Variants in CCDC178 observed in about 807,000 individuals in gnomAD.
CCDC178 encodes coiled-coil domain-containing protein 178.
In CCDC178, 126 loss-of-function variants were observed where a neutral mutation model predicts 117.4. The ratio of observed to expected loss-of-function variants is 1.07; its 90% confidence interval spans 0.93 to 1.24. The LOEUF is 1.24. CCDC178 is among the 50% of genes most tolerant of loss of function. The pLI, the probability that CCDC178 is intolerant of heterozygous loss-of-function variation, is 0.00. For synonymous variants in CCDC178, 283 were observed against 313.4 expected, an observed-to-expected ratio of 0.90 and a Z score of 1.02; for missense variants, 1,030 against 986.9, an observed-to-expected ratio of 1.04 and a Z score of -0.59.
At chr18:33,236,206 G>A (rs113905787) in intron 15 of CCDC178, among the ~76,000 whole-genome samples, 14,949 of 152,068 alleles carry the variant, frequency 0.098, 968 homozygotes, top group African/African-American at 0.19. Context: ...TTCAGGCCAG[G>A]CTCAACAAAT....
chr18:33,097,406 C>G (rs1445553289), intron 20 of CCDC178, among the ~76,000 whole-genome samples: 1 of 152,112 alleles, frequency 6.6e-6, no homozygotes, highest in African/African-American at 2.4e-5. Flanking sequence ...AAGGGTGAAA[C>G]AGAGACATGC....
chr18:33,347,205 C>A (rs1340486450), intron 8 of CCDC178, among the ~76,000 whole-genome samples: 11 of 152,012 alleles, frequency 7.2e-5, no homozygotes, highest in African/African-American at 2.4e-4. Flanking sequence ...CACATAAATA[C>A]AAAGTGTTAA....
intron 5 of CCDC178, among the ~76,000 whole-genome samples, chr18:33,374,935 T>C (rs913243188): frequency 2.6e-5 from 4 of 152,158 alleles, no homozygotes; most frequent in African/African-American, 7.2e-5. Context: ...AAAATCATAC[T>C]GGAGTTGTGG....
intron 21 of CCDC178, among the ~76,000 whole-genome samples, chr18:33,070,144 T>A (rs1450168176): frequency 2.0e-5 from 3 of 151,994 alleles, no homozygotes; most frequent in African/African-American, 7.2e-5. Context: ...AAAACAGAAC[T>A]ACCATATAAT....
chr18:33,084,802 C>T (rs1465400813), intron 21 of CCDC178, among the ~76,000 whole-genome samples: 2 of 148,832 alleles, frequency 1.3e-5, no homozygotes, highest in Admixed American at 1.3e-4. Flanking sequence ...CAGTGCGAGG[C>T]CCCGTCTCAA....
chr18:32,974,589 C>G lies in CCDC178; in HGVS notation c.2481G>C (p.Gln827His), dbSNP rs371552745. The G allele has an allele frequency of 2.7e-5, 44 of 1,613,556 alleles. No individual in the cohort carries two copies. Among genetic ancestry groups the G allele is most frequent in the Admixed American group, 5.0e-5 (3 of 59,982 alleles). Residue 827 changes from glutamine (Q) to histidine (H), a missense_variant, in exon 22 of 23, where the codon CAG becomes CAC. By Grantham distance (24) the Gln-to-His change is conservative. Transcript: ENST00000383096. ...LFSQMRLANF[Q>H]TDSQESIQKI... ...TCTGAATACTCTCCTGAGAGTCTGTCTGGAAGTTGGCCAGCCTCATCTGGC... is the reference window on the plus strand; with the variant it reads ...TCTGAATACTCTCCTGAGAGTCTGTGTGGAAGTTGGCCAGCCTCATCTGGC...
intron 14 of CCDC178, among the ~76,000 whole-genome samples, chr18:33,247,728 T>A (rs896576761): frequency 3.9e-5 from 6 of 151,954 alleles, no homozygotes; most frequent in African/African-American, 1.4e-4. Context: ...CATATGTGTA[T>A]ATGTGTGTTA....
In CCDC178 at chr18:33,389,537, C is replaced by A; in HGVS notation, c.208+3G>T. ...TACTATATGATTTACATTCAGTCCT[C>A]ACCTTCAGTATTTGTCATTTTACTT... On this transcript the variant is annotated splice_donor_region_variant and intron_variant, in intron 5 of 22. Transcript: ENST00000383096. 1 of 1,455,764 alleles carries A rather than the reference C, an allele frequency of 6.9e-7. No individual in the cohort carries two copies. The highest frequency in any genetic ancestry group is 9.2e-7 in the Non-Finnish European group (1 of 1,083,546). 90.2% of individuals were successfully genotyped at this position (1,455,764 alleles called of 1,614,324 possible).
chr18:33,348,996 A>G, intron 7 of CCDC178, 21 bp from the exon 8 acceptor site: 3 of 1,510,102 alleles, frequency 2.0e-6, no homozygotes, highest in Non-Finnish European at 2.7e-6. Context: ...GGAAAGAAGC[A>G]AGCAGTAAAG....
At chr18:33,343,038 T>C (rs1311759526) in intron 9 of CCDC178, among the ~76,000 whole-genome samples, 1 of 152,200 alleles carries the variant, frequency 6.6e-6, no homozygotes, top group Non-Finnish European at 1.5e-5. Context: ...TCCCATCATG[T>C]GACTGGAATG....
At chr18:33,391,154 T>G (rs1176818159) in intron 4 of CCDC178, among the ~76,000 whole-genome samples, 1 of 151,082 alleles carries the variant, frequency 6.6e-6, no homozygotes, top group Non-Finnish European at 1.5e-5. Context: ...ATAAATAAAA[T>G]GTATACAATT....
intron 22 of CCDC178, among the ~76,000 whole-genome samples, chr18:32,956,341 G>C (rs2144644085): frequency 6.6e-6 from 1 of 152,222 alleles, no homozygotes; most frequent in South Asian, 2.1e-4. Context: ...ACAGCATAAA[G>C]TGTTTTCTCT....
chr18:33,018,108 T>A (rs779995350), intron 21 of CCDC178, among the ~76,000 whole-genome samples: 25 of 152,064 alleles, frequency 1.6e-4, no homozygotes, highest in Non-Finnish European at 2.8e-4. Context: ...TAACTCAATT[T>A]TAAAAGGAAC....
At chr18:33,197,831 A>T (rs1412883919) in intron 20 of CCDC178, among the ~76,000 whole-genome samples, 2 of 152,230 alleles carry the variant, frequency 1.3e-5, no homozygotes, top group Non-Finnish European at 2.9e-5. Flanking sequence ...GTCTTTTTCC[A>T]TAAAGTGTGT....
At chr18:33,194,797 C>G (rs1336812592) in intron 20 of CCDC178, among the ~76,000 whole-genome samples, 1 of 150,862 alleles carries the variant, frequency 6.6e-6, no homozygotes, top group Non-Finnish European at 1.5e-5. Context: ...GGCATGGTGG[C>G]TCATGCCTGT....
intron 10 of CCDC178, among the ~76,000 whole-genome samples, chr18:33,331,874 C>A (rs957712643): frequency 7.9e-5 from 12 of 152,128 alleles, no homozygotes; most frequent in African/African-American, 2.4e-4. Context: ...AGGTATATAA[C>A]CCCACTAGGA....
chr18:33,055,414 G>A (rs1434596131), intron 21 of CCDC178, among the ~76,000 whole-genome samples: 1 of 151,910 alleles, frequency 6.6e-6, no homozygotes, highest in African/African-American at 2.4e-5. Context: ...ATGGCTCACT[G>A]TAGGCCCAAT....
chr18:33,015,582 C>A (rs112011937), intron 21 of CCDC178, among the ~76,000 whole-genome samples: 2,068 of 140,418 alleles, frequency 0.015, 51 homozygotes, highest in African/African-American at 0.055. Context: ...ACAACAACAA[C>A]AAACAACAAC....
At chr18:32,947,960 C>T (rs1471636512) in intron 22 of CCDC178, among the ~76,000 whole-genome samples, 1 of 151,934 alleles carries the variant, frequency 6.6e-6, no homozygotes, top group African/African-American at 2.4e-5. Flanking sequence ...AGAAATTATT[C>T]TTTCTTCAAT....
Sources: allele counts gnomAD v4.1 joint callset (sites outside exome capture counted in the v4.1 genomes callset), GRCh38; gene constraint gnomAD v4.1.1; transcripts MANE v1.5; gene names NCBI Gene and HGNC (gene_info 2026-07-23, HGNC 2026-07-21).